UHRF2: variants seen among roughly 807,000 people sequenced by gnomAD.
UHRF2 encodes E3 ubiquitin-protein ligase UHRF2.
UHRF2 carries 23 observed loss-of-function variants against 96.8 expected under a neutral mutation model. The observed-to-expected ratio is 0.24, with a 90% CI of 0.17 to 0.34. The LOEUF (loss-of-function observed/expected upper bound fraction) is 0.34. Among genes scored for constraint, UHRF2 ranks in the 10% least tolerant of loss-of-function variants. UHRF2 has a pLI of 1.00. For synonymous variants in UHRF2, 385 were observed against 332.6 expected (o/e 1.16, Z -1.72); for missense variants, 685 against 981.5 (o/e 0.70, Z 4.04).
intron 3 of UHRF2, among the ~76,000 whole-genome samples, chr9:6,450,160 C>T (rs201392999): frequency 2.0e-5 from 3 of 152,232 alleles, no homozygotes; most frequent in East Asian, 1.9e-4. Context: ...CCCAATGATT[C>T]CTTAACATCA....
rs560259761 is a variant in UHRF2, at chr9:6,485,501, A to G, written c.1393-1320A>G. Among the ~76,000 whole-genome samples the G allele has an allele frequency of 9.2e-5, 14 of 151,944 alleles. No individual in the cohort carries two copies. In the South Asian group the frequency reaches 2.1e-3, roughly 23 times the overall value. Reference sequence around the variant, plus strand: ...TTTGGCCAGGGTTGATGAGGTGGGGAGATCAAATGGTACCTTCTGCTGAGG... The same window carrying G: ...TTTGGCCAGGGTTGATGAGGTGGGGGGATCAAATGGTACCTTCTGCTGAGG... On this transcript the variant is annotated intron_variant, in intron 8 of 15. Transcript: ENST00000276893.
At chr9:6,435,917 G>A (rs1213217696) in intron 3 of UHRF2, among the ~76,000 whole-genome samples, 1 of 152,130 alleles carries the variant, frequency 6.6e-6, no homozygotes, top group Non-Finnish European at 1.5e-5. Context: ...CCCAAAATAG[G>A]TTTTAAACTG....
chr9:6,468,983 C>G (rs1301588031), intron 4 of UHRF2, among the ~76,000 whole-genome samples: 1 of 152,000 alleles, frequency 6.6e-6, no homozygotes, highest in African/African-American at 2.4e-5. Flanking sequence ...ATGACGGAGG[C>G]AAAAATGCCA....
chr9:6,481,975 TG>T lies in UHRF2; in HGVS notation c.1285-16del. 6.2e-7 allele frequency: 1 copy of T among 1,606,228 alleles called. No homozygotes were observed. The highest frequency in any genetic ancestry group is 8.5e-7 in the Non-Finnish European group (1 of 1,177,160). On this transcript the variant is annotated splice_polypyrimidine_tract_variant and intron_variant, in intron 7 of 15. Transcript: ENST00000276893. ...TTAACATAACTGATTTCTCAACGTT[TG>T]TTTTGCGTCTTGTAGGGAATGGCTT... is the stretch of plus-strand genomic sequence containing the variant.
At chr9:6,422,894 G>A (rs575462620) in intron 2 of UHRF2, 1 of 376,436 alleles carries the variant, frequency 2.7e-6, no homozygotes, top group Non-Finnish European at 4.7e-6. Flanking sequence ...ATAGTAATCT[G>A]TTTGCTGATA....
chr9:6,475,647 C>A (rs530645908), intron 5 of UHRF2, 147 bp downstream of exon 5: 11 of 379,376 alleles, frequency 2.9e-5, no homozygotes, highest in African/African-American at 1.9e-4. Flanking sequence ...ATCTAAGATT[C>A]ATTTTGTTTT....
intron 10 of UHRF2, chr9:6,496,028 A>G (rs529187091): frequency 6.6e-6 from 1 of 152,046 alleles, no homozygotes; most frequent in Non-Finnish European, 1.5e-5. Context: ...GGAAGCTTCA[A>G]CTCTTTGACC....
chr9:6,453,906 A>G (rs567331984), intron 3 of UHRF2, among the ~76,000 whole-genome samples: 12 of 152,306 alleles, frequency 7.9e-5, no homozygotes, highest in Non-Finnish European at 1.3e-4. Context: ...CTCCGTCTCA[A>G]AAAAAGAAAA....
chr9:6,422,652 C>T (rs1215137867), intron 2 of UHRF2: 3 of 651,438 alleles, frequency 4.6e-6, no homozygotes, highest in Non-Finnish European at 5.7e-6. Flanking sequence ...CTCTGTCACC[C>T]AGGCTGTAGT....
chr9:6,494,905 ATAG>A (rs1824872762), intron 10 of UHRF2: 1 of 152,096 alleles, frequency 6.6e-6, no homozygotes, highest in Non-Finnish European at 1.5e-5. Context: ...ATTGTTTCTG[ATAG>A]TAGGATTATT....
At chr9:6,442,122 G>C (rs183072231) in intron 3 of UHRF2, among the ~76,000 whole-genome samples, 1 of 152,090 alleles carries the variant, frequency 6.6e-6, no homozygotes, top group Non-Finnish European at 1.5e-5. Flanking sequence ...CTGGCACCAC[G>C]TCTGGCTAGT....
rs529815356 is a variant in UHRF2, at chr9:6,481,972, G to A, written c.1285-20G>A. The A allele has an allele frequency of 5.7e-5, 91 of 1,606,250 alleles. No individual in the cohort carries two copies. The South Asian group carries it at 8.7e-4, about 15-fold the overall frequency. On this transcript the variant is annotated intron_variant, in intron 7 of 15. Transcript: ENST00000276893. ...AATTTAACATAACTGATTTCTCAAC[G>A]TTTGTTTTGCGTCTTGTAGGGAATG...
At chr9:6,471,569 T>A (rs952120676) in intron 4 of UHRF2, among the ~76,000 whole-genome samples, 3 of 152,198 alleles carry the variant, frequency 2.0e-5, no homozygotes, top group African/African-American at 4.8e-5. Flanking sequence ...GCCAGTTGCA[T>A]GTGATGAGGC....
intron 4 of UHRF2, among the ~76,000 whole-genome samples, chr9:6,470,569 A>C (rs1316464938): frequency 1.3e-5 from 2 of 152,172 alleles, no homozygotes; most frequent in African/African-American, 4.8e-5. Context: ...AATTAAGAGC[A>C]GGGAAAGGGT....
At chr9:6,429,189 G>A (rs1173547955) in intron 2 of UHRF2, among the ~76,000 whole-genome samples, 2 of 151,808 alleles carry the variant, frequency 1.3e-5, no homozygotes, top group Non-Finnish European at 2.9e-5. Context: ...AAGGAAGATG[G>A]TACAATGAGA....
chr9:6,414,753 T>G (rs989114440), intron 1 of UHRF2, among the ~76,000 whole-genome samples: 4 of 152,218 alleles, frequency 2.6e-5, no homozygotes, highest in Admixed American at 2.0e-4. Flanking sequence ...GGCTTAGTCT[T>G]CGAAGACTGT....
intron 3 of UHRF2, among the ~76,000 whole-genome samples, chr9:6,441,368 T>A (rs1416752025): frequency 6.6e-6 from 1 of 150,982 alleles, no homozygotes; most frequent in Non-Finnish European, 1.5e-5. Flanking sequence ...GGTGAAAACC[T>A]GTCTCTACCC....
intron 4 of UHRF2, among the ~76,000 whole-genome samples, chr9:6,472,808 T>C (rs888197112): frequency 1.3e-5 from 2 of 152,152 alleles, no homozygotes; most frequent in Non-Finnish European, 2.9e-5. Flanking sequence ...AGCAAAGGAG[T>C]ATTTGTAATA....
chr9:6,475,772 T>C (rs1323148199), intron 5 of UHRF2, among the ~76,000 whole-genome samples: 2 of 152,210 alleles, frequency 1.3e-5, no homozygotes, highest in African/African-American at 2.4e-5. Flanking sequence ...GTTGTAGATA[T>C]TTAAGGAGTA....
Sources: allele counts gnomAD v4.1 joint callset (sites outside exome capture counted in the v4.1 genomes callset), GRCh38; gene constraint gnomAD v4.1.1; transcripts MANE v1.5; gene names NCBI Gene and HGNC (gene_info 2026-07-23, HGNC 2026-07-21).